CRAT: variants seen among roughly 807,000 people sequenced by gnomAD.
The protein encoded by CRAT is carnitine O-acetyltransferase, also known as carnitine acetylase.
CRAT carries 66 observed loss-of-function variants against 73.7 expected under a neutral mutation model. The observed-to-expected ratio is 0.90, with a 90% confidence interval of 0.73 to 1.10. CRAT has a LOEUF of 1.10. Among genes scored for constraint, CRAT ranks in the 50% least tolerant of loss-of-function variants. CRAT has a pLI of 0.00. For synonymous variants in CRAT, 321 were observed against 343.2 expected (o/e 0.94, Z 0.71); for missense variants, 745 against 846.9 (o/e 0.88, Z 1.49).
In CRAT at chr9:129,104,314, A is replaced by G. The variant is rs761350360; in HGVS notation, c.292-8T>C. On this transcript the variant is annotated splice_polypyrimidine_tract_variant and splice_region_variant and intron_variant, in intron 2 of 13. Transcript: ENST00000318080. ...GAGCCACCACTCAGACAGCTGGGAAAAGTGCCAGAGCCTGTCAGGAGGGGT... is the reference window on the plus strand; with the variant it reads ...GAGCCACCACTCAGACAGCTGGGAAGAGTGCCAGAGCCTGTCAGGAGGGGT... The G allele has an allele frequency of 1.9e-6, 3 of 1,610,244 alleles. No homozygotes were observed. The highest frequency in any genetic ancestry group is 1.1e-5 in the South Asian group (1 of 90,978).
rs1287700049 is a variant in CRAT, at chr9:129,107,083, G to A, written c.291+731C>T. ...GAGTCTTGCTCTGTCGCCCAGGCTG[G>A]AGTGCAGTGGCACAATCTTGGCTCA... On this transcript the variant is annotated intron_variant, in intron 2 of 13. Coordinates refer to ENST00000318080, the MANE Select transcript of CRAT (RefSeq NM_000755.5). This position sits in a 1 kb window ranked among gnomAD's most constrained non-coding sequence, Gnocchi z 5.0. 6.6e-5 allele frequency among the ~76,000 whole-genome samples: 10 copies of A among 152,004 alleles called. No homozygotes were observed. The highest frequency in any genetic ancestry group is 6.6e-4 in the Admixed American group (10 of 15,252).
Position 129,102,566 on chromosome 9 carries a change from C to A in CRAT, c.465-1G>T, listed in dbSNP as rs112907520. ...CAGGTACTCCACGGGCAGGGTCTCG[C>A]TATGGGGTAGAGGGGCAGTGAGGCC... On this transcript the variant is annotated splice_acceptor_variant, in intron 4 of 13. Transcript: ENST00000318080. LOFTEE classifies it high-confidence loss of function. 1 of 1,613,906 alleles carries A rather than the reference C, an allele frequency of 6.2e-7. No homozygotes were observed. The highest frequency in any genetic ancestry group is 8.5e-7 in the Non-Finnish European group (1 of 1,179,928).
rs1351052298 is a variant in CRAT at position 129,110,622 on chromosome 9, A to G, written c.-113T>C. On this transcript the variant is annotated 5_prime_UTR_variant, in exon 1 of 14. Transcript: ENST00000318080. This position sits in a 1 kb window ranked among gnomAD's most constrained non-coding sequence, Gnocchi z 5.3. ...GGGTCCTTGCTAGAGCCTTCGGGCC[A>G]AGGTCGCTGAGTTACAGCCGCCAGC... 2 of 1,251,766 alleles carry G rather than the reference A, an allele frequency of 1.6e-6. No homozygotes were observed. The highest frequency in any genetic ancestry group is 2.1e-6 in the Non-Finnish European group (2 of 951,898). 77.5% of individuals were successfully genotyped at this position (1,251,766 alleles called of 1,614,324 possible).
chr9:129,097,448 C>T lies in CRAT; in HGVS notation c.1465-136G>A, dbSNP rs1203994580. 6.4e-6 allele frequency: 4 copies of T among 621,182 alleles called. No individual in the cohort carries two copies. In the East Asian group the frequency reaches 1.3e-4, roughly 21 times the overall value. 38.5% of individuals were successfully genotyped at this position (621,182 alleles called of 1,614,324 possible). A position where few individuals can be genotyped will look rare whatever the true frequency, so the allele number is the denominator to read the frequency against. On this transcript the variant is annotated intron_variant, in intron 11 of 13. Coordinates refer to ENST00000318080, the MANE Select transcript of CRAT (RefSeq NM_000755.5). ...TTGGGGCTGGGAGCGGTGGCTCACG[C>T]CTGTAATCCCAGCACTTTGGGAGGC... is the stretch of plus-strand genomic sequence containing the variant.
chr9:129,108,647 G>A, intron 1 of CRAT: 1 of 1,209,160 alleles, frequency 8.3e-7, no homozygotes, highest in Non-Finnish European at 1.1e-6. Context: ...CATGGAGGGT[G>A]AGAGGCGGCA....
At chr9:129,108,281 G>A (rs958481807) in intron 1 of CRAT, 2 of 991,110 alleles carry the variant, frequency 2.0e-6, no homozygotes, top group Non-Finnish European at 2.8e-6. Flanking sequence ...GATGGGGGAG[G>A]GTGGGGTGTG....
At chr9:129,099,811 G>T in intron 8 of CRAT, 55 bp downstream of exon 8, 1 of 1,359,556 alleles carries the variant, frequency 7.4e-7, no homozygotes, top group South Asian at 1.2e-5. Context: ...TATCACCTGT[G>T]TGTCACCTGT....
At chr9:129,108,954 G>A (rs973680445) in intron 1 of CRAT, 1 of 1,249,294 alleles carries the variant, frequency 8.0e-7, no homozygotes, top group Non-Finnish European at 1.0e-6. Flanking sequence ...GGTGGCAGTG[G>A]CGATGGCTGT....
chr9:129,099,142 C>CTT (rs58079634), intron 8 of CRAT, among the ~76,000 whole-genome samples: 7 of 130,362 alleles, frequency 5.4e-5, no homozygotes, highest in Admixed American at 1.7e-4. Context: ...GCGTGGCTAA[C>CTT]TTTTTTTTTT....
Position 129,103,079 on chromosome 9 carries a change from A to T in CRAT, c.411-13T>A. The T allele has an allele frequency of 1.2e-6, 2 of 1,613,464 alleles. No homozygotes were observed. Among genetic ancestry groups the T allele is most frequent in the Non-Finnish European group, 1.7e-6 (2 of 1,179,376 alleles). On this transcript the variant is annotated splice_polypyrimidine_tract_variant and intron_variant, in intron 3 of 13. Transcript: ENST00000318080. This position sits in a 1 kb window ranked among gnomAD's most constrained non-coding sequence, Gnocchi z 4.6. The stretch of plus-strand genomic sequence containing the variant: ...TTTGGCAGCAAATCTGGAAAGATTG[A>T]TTAGAGATTAGAAGCTGCGTGGACA...
intron 3 of CRAT, 52 bp downstream of exon 3, chr9:129,104,136 G>T (rs1847849687): frequency 1.1e-5 from 16 of 1,410,828 alleles, no homozygotes; most frequent in Non-Finnish European, 1.6e-5. Flanking sequence ...GCTGGGCGAA[G>T]TGAACTCGAG....
chr9:129,110,531 A>G lies in CRAT; in HGVS notation c.-22T>C. The G allele has an allele frequency of 1.3e-6, 2 of 1,578,290 alleles. No homozygotes were observed. Among genetic ancestry groups the G allele is most frequent in the Non-Finnish European group, 1.7e-6 (2 of 1,168,846 alleles). ...ACATCTTCGCTGCCCGTCCGCGGAC[A>G]CGCAGTCCGCTCCGCCCCACACACC... On this transcript the variant is annotated 5_prime_UTR_variant, in exon 1 of 14. Transcript: ENST00000318080. This position sits in a 1 kb window ranked among gnomAD's most constrained non-coding sequence, Gnocchi z 5.3.
intron 1 of CRAT, among the ~76,000 whole-genome samples, chr9:129,109,952 T>C (rs894992844): frequency 5.7e-5 from 7 of 121,876 alleles, no homozygotes; most frequent in Admixed American, 8.5e-5. Flanking sequence ...GGAAGGGGGC[T>C]GGAGGGGAGG....
intron 7 of CRAT, 83 bp downstream of exon 7, chr9:129,100,426 AGG>A (rs10549379): frequency 0.97 from 1,426,914 of 1,470,732 alleles, 700,572 homozygotes; most frequent in Non-Finnish European, 1. Flanking sequence ...CTGGGGACGC[AGG>A]GCCGGGGACG....
Position 129,102,293 on chromosome 9 carries a change from C to T in CRAT, c.630+107G>A, listed in dbSNP as rs1847723046. ...GCCAGGGGCGCCCATTCCTGGGGCA[C>T]GTGGGCACGTGTGCTGGGGAACCCC... On this transcript the variant is annotated intron_variant, in intron 5 of 13. Transcript: ENST00000318080. 17 of 1,475,628 alleles carry T rather than the reference C, an allele frequency of 1.2e-5. No homozygotes were observed. In the South Asian group the frequency reaches 1.5e-4, roughly 13 times the overall value. 91.4% of individuals were successfully genotyped at this position (1,475,628 alleles called of 1,614,324 possible). A position where few individuals can be genotyped will look rare whatever the true frequency, so the allele number is the denominator to read the frequency against.
intron 11 of CRAT, 35 bp downstream of exon 11, chr9:129,097,978 G>T: frequency 6.2e-7 from 1 of 1,605,002 alleles, no homozygotes. Flanking sequence ...AGGGGCTCAG[G>T]CCCAGCTCAC....
At chr9:129,109,726 C>T (rs1309166319) in intron 1 of CRAT, among the ~76,000 whole-genome samples, 11 of 152,152 alleles carry the variant, frequency 7.2e-5, no homozygotes, top group Non-Finnish European at 1.6e-4. Context: ...ATGCACCCTC[C>T]GCCCTCTGGC....
At chr9:129,105,961 T>G (rs1847987991) in intron 2 of CRAT, among the ~76,000 whole-genome samples, 1 of 152,094 alleles carries the variant, frequency 6.6e-6, no homozygotes, top group African/African-American at 2.4e-5. Flanking sequence ...CTATGCTGAC[T>G]GCAACACCCA....
rs1198199371 is a variant in CRAT at position 129,100,574 on chromosome 9, C to G, written c.921G>C (p.Gln307His). The change falls in exon 7 of 14, where the codon CAG becomes CAC. Residue 307 changes from glutamine to histidine, a missense_variant. Coordinates refer to ENST00000318080, the MANE Select transcript of CRAT (RefSeq NM_000755.5). The part of the protein sequence containing the change: ...EDVYRSHVAG[Q>H]MLHGGGSRLN... ...GCCTGCTGCCGCCCCCATGCAGCATCTGGCCTGCCACGTGGCTGCGGTACA... is the reference window on the plus strand; with the variant it reads ...GCCTGCTGCCGCCCCCATGCAGCATGTGGCCTGCCACGTGGCTGCGGTACA... 1 of 1,614,004 alleles carries G rather than the reference C, an allele frequency of 6.2e-7. No individual in the cohort carries two copies.
Sources: allele counts gnomAD v4.1 joint callset (sites outside exome capture counted in the v4.1 genomes callset), GRCh38; gene constraint gnomAD v4.1.1; non-coding constraint Gnocchi (gnomAD v3.1); transcripts MANE v1.5; gene names NCBI Gene and HGNC (gene_info 2026-07-23, HGNC 2026-07-21).